BEND4: variants seen among roughly 807,000 people sequenced by gnomAD.
BEND4 encodes BEN domain containing 4.
In BEND4, 27 loss-of-function variants were observed where a neutral mutation model predicts 54.7. That is an observed-to-expected ratio of 0.49 (90% CI 0.36 to 0.68). BEND4 has a LOEUF of 0.68. Ranked by LOEUF, BEND4 falls within the 30% of genes least tolerant of loss-of-function variation. The pLI is 0.00. For synonymous variants in BEND4, 327 were observed against 299.5 expected (o/e 1.09, Z -0.95); for missense variants, 702 against 697.2 (o/e 1.01, Z -0.08).
chr4:42,150,780 A>C (rs537422518), intron 2 of BEND4, among the ~76,000 whole-genome samples: 1 of 152,342 alleles, frequency 6.6e-6, no homozygotes, highest in South Asian at 2.1e-4. Context: ...GAGATAAAGG[A>C]GAGGAGTCGC....
chr4:42,127,809 A>G (rs1192574656), intron 3 of BEND4, among the ~76,000 whole-genome samples: 1 of 152,208 alleles, frequency 6.6e-6, no homozygotes, highest in African/African-American at 2.4e-5. Flanking sequence ...GAGAAATTGT[A>G]AAGACTCACT....
intron 3 of BEND4, among the ~76,000 whole-genome samples, chr4:42,132,030 T>G (rs1720524339): frequency 6.6e-6 from 1 of 151,492 alleles, no homozygotes; most frequent in African/African-American, 2.4e-5. Flanking sequence ...AAAAAAAAAG[T>G]CAATCTGGAA....
At chr4:42,128,646 A>AG (rs1720386450) in intron 3 of BEND4, among the ~76,000 whole-genome samples, 1 of 151,924 alleles carries the variant, frequency 6.6e-6, no homozygotes, top group Admixed American at 6.6e-5. Context: ...AAGAAAAAAA[A>AG]GAAAGTTCTG....
intron 4 of BEND4, among the ~76,000 whole-genome samples, chr4:42,121,271 A>G (rs1720048895): frequency 6.6e-6 from 1 of 152,216 alleles, no homozygotes; most frequent in East Asian, 1.9e-4. Flanking sequence ...TTAAACACTG[A>G]GAAGGGGAAA....
At position 42,151,888 on chromosome 4, in the gene BEND4, A is replaced by G; in HGVS notation, c.256T>C (p.Tyr86His). 1 of 1,290,932 alleles carries G rather than the reference A, an allele frequency of 7.7e-7. No homozygotes were observed. Among genetic ancestry groups the G allele is most frequent in the Non-Finnish European group, 9.7e-7 (1 of 1,027,700 alleles). The allele number at this position is 1,290,932 out of a possible 1,614,324, so 80.0% of individuals were successfully genotyped here. A position where few individuals can be genotyped will look rare whatever the true frequency, so the allele number is the denominator to read the frequency against. Reference sequence around the variant, plus strand: ...GCGGCCCGGCCGGGCCCGGGGGGGTAGGAGCTCTGCGCCTGGAACTGCTGC... The same window carrying G: ...GCGGCCCGGCCGGGCCCGGGGGGGTGGGAGCTCTGCGCCTGGAACTGCTGC... ...PPQQFQAQSS[Y>H]PPGPGRAAAA... The change falls in exon 2 of 6, where the codon TAC becomes CAC. Residue 86 changes from tyrosine (Y) to histidine (H), a missense_variant. Coordinates refer to ENST00000502486, the MANE Select transcript of BEND4 (RefSeq NM_207406.4).
At chr4:42,147,437 T>C (rs923576237) in intron 2 of BEND4, among the ~76,000 whole-genome samples, 2 of 152,082 alleles carry the variant, frequency 1.3e-5, no homozygotes, top group African/African-American at 2.4e-5. Flanking sequence ...TGATCTATGA[T>C]TCTTAACTCA....
At chr4:42,125,316 GT>G (rs1720229820) in intron 4 of BEND4, among the ~76,000 whole-genome samples, 1 of 152,206 alleles carries the variant, frequency 6.6e-6, no homozygotes, top group African/African-American at 2.4e-5. Flanking sequence ...AGGCATCTCT[GT>G]GCAAACAGAA....
At chr4:42,149,652 G>A (rs963456906) in intron 2 of BEND4, among the ~76,000 whole-genome samples, 2 of 151,652 alleles carry the variant, frequency 1.3e-5, no homozygotes, top group African/African-American at 4.8e-5. Context: ...TCTGGGAACA[G>A]AGACAAAATA....
At chr4:42,142,542 A>T (rs906113681) in intron 3 of BEND4, among the ~76,000 whole-genome samples, 2 of 151,328 alleles carry the variant, frequency 1.3e-5, no homozygotes, top group African/African-American at 4.9e-5. Flanking sequence ...CTGAGGCACA[A>T]GAATTGCTTG....
chr4:42,135,823 T>C (rs748757669), intron 3 of BEND4, among the ~76,000 whole-genome samples: 2 of 152,136 alleles, frequency 1.3e-5, no homozygotes, highest in South Asian at 4.2e-4. Context: ...TAGAGTATTA[T>C]TAACCTCACT....
chr4:42,126,691 G>C (rs1350337852), intron 3 of BEND4, among the ~76,000 whole-genome samples: 1 of 152,146 alleles, frequency 6.6e-6, no homozygotes, highest in Admixed American at 6.5e-5. Flanking sequence ...GTCCTTTCAG[G>C]AGTAGTAACT....
At chr4:42,151,300 C>T (rs1242228231) in intron 2 of BEND4, 2 of 200,370 alleles carry the variant, frequency 1.0e-5, no homozygotes, top group Non-Finnish European at 2.0e-5. Context: ...AGCGGGGCGG[C>T]CCGAGAAGCT....
chr4:42,119,814 C>A (rs902469953), intron 5 of BEND4: 1 of 458,554 alleles, frequency 2.2e-6, no homozygotes, highest in Non-Finnish European at 4.0e-6. Flanking sequence ...GAATTTGAAG[C>A]GTGAAACATG....
intron 3 of BEND4, among the ~76,000 whole-genome samples, chr4:42,130,412 G>A (rs146281267): frequency 0.039 from 5,858 of 150,194 alleles, 400 homozygotes; most frequent in African/African-American, 0.14. Flanking sequence ...CCTGGGAGGC[G>A]GAGCTTGCAG....
chr4:42,129,420 A>C (rs1025663499), intron 3 of BEND4, among the ~76,000 whole-genome samples: 4 of 152,228 alleles, frequency 2.6e-5, no homozygotes, highest in Non-Finnish European at 5.9e-5. Context: ...AATTAGAAAA[A>C]ACTACTTTCA....
chr4:42,130,588 A>C (rs1447154414), intron 3 of BEND4, among the ~76,000 whole-genome samples: 2 of 152,170 alleles, frequency 1.3e-5, no homozygotes, highest in Non-Finnish European at 2.9e-5. Flanking sequence ...GCTGTGGAGA[A>C]ACAGAAACGT....
intron 4 of BEND4, among the ~76,000 whole-genome samples, chr4:42,125,141 T>A (rs1720221583): frequency 6.6e-6 from 1 of 152,164 alleles, no homozygotes. Flanking sequence ...TTTCTTCCAT[T>A]TAAGTCCAGG....
intron 2 of BEND4, among the ~76,000 whole-genome samples, chr4:42,148,491 C>G (rs1229180125): frequency 6.6e-6 from 1 of 152,196 alleles, no homozygotes; most frequent in African/African-American, 2.4e-5. Flanking sequence ...CAAACAAAAG[C>G]AATCATGCCT....
chr4:42,135,770 G>A (rs1379184030), intron 3 of BEND4, among the ~76,000 whole-genome samples: 2 of 151,806 alleles, frequency 1.3e-5, no homozygotes, highest in Non-Finnish European at 2.9e-5. Context: ...GCAAGACTCC[G>A]TCTAAAAAAA....
Sources: allele counts gnomAD v4.1 joint callset (sites outside exome capture counted in the v4.1 genomes callset), GRCh38; gene constraint gnomAD v4.1.1; transcripts MANE v1.5; gene names NCBI Gene and HGNC (gene_info 2026-07-23, HGNC 2026-07-21).